The following FSHR variants were observed in gnomAD, a reference collection of about 807,000 sequenced individuals.
The protein encoded by FSHR is follicle-stimulating hormone receptor.
Under a neutral mutation model 52.1 loss-of-function variants are expected in FSHR, and 46 were observed. That is an observed-to-expected ratio of 0.88 (90% CI 0.70 to 1.13). FSHR has a LOEUF of 1.13. Ranked by LOEUF, FSHR falls within the 50% of genes most tolerant of loss-of-function variation. The pLI, the probability that FSHR is intolerant of heterozygous loss-of-function variation, is 0.00. For missense variants in FSHR, 964 were observed against 834.6 expected, an observed-to-expected ratio of 1.16 and a Z score of -1.91; for synonymous variants, 399 against 309.6, an observed-to-expected ratio of 1.29 and a Z score of -3.03.
intron 1 of FSHR, among the ~76,000 whole-genome samples, chr2:49,143,436 A>C (rs1402578036): frequency 6.6e-6 from 1 of 152,172 alleles, no homozygotes; most frequent in Non-Finnish European, 1.5e-5. Context: ...AACATATGGA[A>C]GATAAAGAGA....
At chr2:49,020,800 A>G (rs1254192246) in intron 2 of FSHR, among the ~76,000 whole-genome samples, 2 of 152,174 alleles carry the variant, frequency 1.3e-5, no homozygotes, top group East Asian at 1.9e-4. Flanking sequence ...TTTAAAATAC[A>G]CATATGTTTG....
chr2:48,999,282 T>TG (rs1676154742), intron 4 of FSHR, among the ~76,000 whole-genome samples: 1 of 151,854 alleles, frequency 6.6e-6, no homozygotes, highest in East Asian at 1.9e-4. Context: ...TCCACTACCT[T>TG]GGAGACAGGT....
At chr2:49,001,445 G>C (rs1360454289) in intron 4 of FSHR, among the ~76,000 whole-genome samples, 1 of 152,098 alleles carries the variant, frequency 6.6e-6, no homozygotes. Flanking sequence ...GATATCTCTA[G>C]GTGAGATTCG....
intron 1 of FSHR, among the ~76,000 whole-genome samples, chr2:49,115,892 A>G (rs776295723): frequency 5.9e-5 from 9 of 152,278 alleles, no homozygotes; most frequent in South Asian, 4.1e-4. Context: ...TGTGCATGAC[A>G]TAAGTGAAGG....
At chr2:48,979,423 TA>T (rs1210624831) in intron 8 of FSHR, among the ~76,000 whole-genome samples, 2 of 150,950 alleles carry the variant, frequency 1.3e-5, no homozygotes, top group African/African-American at 4.9e-5. Context: ...CATGGGTGAT[TA>T]AAAAAAACCA....
chr2:49,012,192 G>T (rs1212966971), intron 4 of FSHR, among the ~76,000 whole-genome samples: 1 of 152,118 alleles, frequency 6.6e-6, no homozygotes, highest in African/African-American at 2.4e-5. Flanking sequence ...CCAGCTGCCT[G>T]AGAATTACTT....
chr2:48,964,900 C>T (rs4953651), intron 9 of FSHR, among the ~76,000 whole-genome samples: 80,167 of 151,564 alleles, frequency 0.53, 21,417 homozygotes, highest in East Asian at 0.66. Flanking sequence ...TATATCAATA[C>T]TCTGGATGTA....
chr2:49,110,746 C>G (rs898819545), intron 1 of FSHR, among the ~76,000 whole-genome samples: 2 of 152,154 alleles, frequency 1.3e-5, no homozygotes, highest in African/African-American at 2.4e-5. Context: ...TGTGGAGTTG[C>G]TGCTGGGGAA....
intron 2 of FSHR, among the ~76,000 whole-genome samples, chr2:49,023,476 T>A (rs1335581291): frequency 6.6e-6 from 1 of 152,208 alleles, no homozygotes; most frequent in Non-Finnish European, 1.5e-5. Context: ...AGGCAACATG[T>A]CTAAGTCCAG....
chr2:49,024,770 C>A (rs1218021783), intron 2 of FSHR, among the ~76,000 whole-genome samples: 1 of 152,138 alleles, frequency 6.6e-6, no homozygotes, highest in Non-Finnish European at 1.5e-5. Context: ...AATTAAGAGA[C>A]TCAACTGCAT....
chr2:48,983,496 G>A (rs1011149705), intron 6 of FSHR, among the ~76,000 whole-genome samples: 2 of 152,150 alleles, frequency 1.3e-5, no homozygotes, highest in Non-Finnish European at 2.9e-5. Context: ...GAAGCAATGC[G>A]GGGAGCGACA....
chr2:49,102,132 G>C (rs17823305), intron 1 of FSHR, among the ~76,000 whole-genome samples: 2,575 of 152,234 alleles, frequency 0.017, 32 homozygotes, highest in Admixed American at 0.027. Context: ...GCAGTGCAGA[G>C]GGCCACATAT....
intron 1 of FSHR, among the ~76,000 whole-genome samples, chr2:49,094,371 G>A (rs1193664145): frequency 6.6e-6 from 1 of 152,160 alleles, no homozygotes; most frequent in East Asian, 1.9e-4. Flanking sequence ...TTTAAGAGGG[G>A]AGAAGAATAG....
chr2:49,096,911 G>A (rs1670840325), intron 1 of FSHR, among the ~76,000 whole-genome samples: 1 of 152,088 alleles, frequency 6.6e-6, no homozygotes, highest in African/African-American at 2.4e-5. Context: ...CATGTGATAT[G>A]CCTACTCCCA....
At chr2:49,038,626 A>AAATAATAATAAT (rs56326531) in intron 2 of FSHR, among the ~76,000 whole-genome samples, 14 of 70,602 alleles carry the variant, frequency 2.0e-4, no homozygotes, top group Admixed American at 4.5e-4. Flanking sequence ...CTCTGTCTCA[A>AAATAATAATAAT]AATAATAATA....
intron 1 of FSHR, among the ~76,000 whole-genome samples, chr2:49,134,663 C>G (rs1672421933): frequency 1.3e-5 from 2 of 152,162 alleles, no homozygotes; most frequent in Admixed American, 1.3e-4. Context: ...TTGGAACCAA[C>G]CCAAATGTCC....
At chr2:49,141,824 T>A (rs1672698080) in intron 1 of FSHR, among the ~76,000 whole-genome samples, 1 of 152,216 alleles carries the variant, frequency 6.6e-6, no homozygotes, top group Non-Finnish European at 1.5e-5. Context: ...GCCCACTGTG[T>A]CTTTTTTTCC....
Position 48,963,412 on chromosome 2 carries a change from G to C in FSHR, c.1409C>G (p.Thr470Ser). 3 of 1,614,154 alleles carry C rather than the reference G, an allele frequency of 1.9e-6. No homozygotes were observed. The highest frequency in any genetic ancestry group is 2.5e-6 in the Non-Finnish European group (3 of 1,180,016). ...LTAITLERWH[T>S]ITHAMQLDCK... ...GTCCAGCTGCATGGCATGCGTGATG[G>C]TATGCCATCTTTCCAAGGTGATAGC... is the stretch of plus-strand genomic sequence containing the variant. Residue 470 changes from threonine (T) to serine (S), a missense_variant, in exon 10 of 10, where the codon ACC becomes AGC. Coordinates refer to ENST00000406846, the MANE Select transcript of FSHR (RefSeq NM_000145.4).
In FSHR at chr2:49,098,852, C is replaced by A. The variant is rs551038647; in HGVS notation, c.153-30562G>T. 1.1e-4 allele frequency among the ~76,000 whole-genome samples: 16 copies of A among 143,610 alleles called. No homozygotes were observed. The South Asian group carries it at 3.2e-3, about 29-fold the overall frequency. The allele number at this position is 143,610 out of a possible 152,430, so 94.2% of individuals were successfully genotyped here. A position where few individuals can be genotyped will look rare whatever the true frequency, so the allele number is the denominator to read the frequency against. On this transcript the variant is annotated intron_variant, in intron 1 of 9. Transcript: ENST00000406846. ...TATATTATATATTATATTATATATACTTTATATATAATATATACTTATATT... is the reference window on the plus strand; with the variant it reads ...TATATTATATATTATATTATATATAATTTATATATAATATATACTTATATT...
Sources: gnomAD v4.1 joint callset for allele counts (sites outside exome capture counted in the v4.1 genomes callset) on GRCh38, gnomAD v4.1.1 for gene constraint, MANE v1.5 for transcripts, NCBI Gene and HGNC (gene_info 2026-07-23, HGNC 2026-07-21) for gene names.